The following CHD9 variants were observed in gnomAD, a reference collection of about 807,000 sequenced individuals.
The protein encoded by CHD9 is chromodomain helicase DNA binding protein 9.
CHD9 carries 77 observed loss-of-function variants against 316.1 expected under a neutral mutation model. That is an observed-to-expected ratio of 0.24 (90% CI 0.20 to 0.29). CHD9 has a LOEUF of 0.29. Ranked by LOEUF, CHD9 falls within the 10% of genes least tolerant of loss-of-function variation. The probability of loss-of-function intolerance (pLI) is 1.00; values close to 1 mark genes in which losing one functional copy is unlikely to be tolerated. For synonymous variants in CHD9, 1,129 were observed against 1,158.3 expected (o/e 0.97, Z 0.51); for missense variants, 2,763 against 3,438.1 (o/e 0.80, Z 4.91).
At chr16:53,171,867 C>CACACAG (rs2042772282) in intron 2 of CHD9, among the ~76,000 whole-genome samples, 1 of 47,938 alleles carries the variant, frequency 2.1e-5, no homozygotes, top group Admixed American at 1.4e-4. Flanking sequence ...CACAGACACA[C>CACACAG]ACACACACAC....
At chr16:53,116,617 C>T (rs1392942979) in intron 1 of CHD9, among the ~76,000 whole-genome samples, 1 of 152,168 alleles carries the variant, frequency 6.6e-6, no homozygotes, top group African/African-American at 2.4e-5. Context: ...CGTTTTTACA[C>T]TGTTGGTGGG....
chr16:53,097,286 T>G (rs2036453881), intron 1 of CHD9, among the ~76,000 whole-genome samples: 1 of 152,212 alleles, frequency 6.6e-6, no homozygotes, highest in African/African-American at 2.4e-5. Context: ...CTGTGAGAGA[T>G]ATCTAACTCA....
intron 1 of CHD9, among the ~76,000 whole-genome samples, chr16:53,110,384 C>G (rs1170254156): frequency 6.6e-6 from 1 of 152,074 alleles, no homozygotes; most frequent in Admixed American, 6.5e-5. Context: ...ATCAACTGAG[C>G]CCAGGAGTTC....
At position 53,304,442 on chromosome 16, in the gene CHD9, A is replaced by G; in HGVS notation, c.6436A>G (p.Arg2146Gly). ...TTCTGAGAGATCATCTTGTTCTTCCAGATCATCTTCTTCCTCATCATCCTC... is the reference window on the plus strand; with the variant it reads ...TTCTGAGAGATCATCTTGTTCTTCCGGATCATCTTCTTCCTCATCATCCTC... The part of the protein sequence containing the change: ...SDSERSSCSS[R>G]SSSSSSSSSC... The change falls in exon 31 of 39, where the codon AGA becomes GGA. Residue 2146 changes from arginine (R) to glycine (G), a missense_variant. Coordinates refer to ENST00000447540, the MANE Select transcript of CHD9 (RefSeq NM_001308319.2). 1 of 1,587,480 alleles carries G rather than the reference A, an allele frequency of 6.3e-7. No homozygotes were observed. Among genetic ancestry groups the G allele is most frequent in the African/African-American group, 1.3e-5 (1 of 74,418 alleles).
chr16:53,091,972 C>T (rs772064658), intron 1 of CHD9, among the ~76,000 whole-genome samples: 9 of 152,218 alleles, frequency 5.9e-5, no homozygotes, highest in Non-Finnish European at 1.2e-4. Context: ...CAGCCGAGAG[C>T]AGCGATTCCT....
At chr16:53,155,869 T>G in intron 1 of CHD9, 57 bp from the exon 2 acceptor site, 1 of 503,626 alleles carries the variant, frequency 2.0e-6, no homozygotes, top group Middle Eastern at 5.2e-4. Context: ...TTCATTTTTG[T>G]TGTAGCATGT....
In CHD9 at chr16:53,157,297, G is replaced by A. The variant is rs574670755; in HGVS notation, c.1208G>A (p.Gly403Glu). The change falls in exon 2 of 39, where the codon GGA (glycine) becomes GAA (glutamate). Residue 403 changes from glycine (G) to glutamate (E), a missense_variant. Physicochemically the swap from Gly to Glu is moderately conservative, Grantham distance 98. Transcript: ENST00000447540. ...QVESQTEPFT[G>E]LDPEDLLQEG... ...GAATCTCAAACTGAGCCATTCACAG[G>A]ACTTGACCCCGAGGACCTCCTTCAG... 6 of 1,611,668 alleles carry A rather than the reference G, an allele frequency of 3.7e-6. No homozygotes were observed. The South Asian group carries it at 4.4e-5, about 12-fold the overall frequency.
chr16:53,306,894 C>G (rs1263884261), intron 32 of CHD9, among the ~76,000 whole-genome samples: 2 of 152,116 alleles, frequency 1.3e-5, no homozygotes, highest in East Asian at 3.9e-4. Flanking sequence ...GTTCACCTGC[C>G]TCAGCCTCCC....
intron 2 of CHD9, among the ~76,000 whole-genome samples, chr16:53,204,609 A>G (rs2045747143): frequency 6.6e-6 from 1 of 152,000 alleles, no homozygotes; most frequent in African/African-American, 2.4e-5. Context: ...AATGTGTATC[A>G]TGACTTGCTA....
chr16:53,195,051 T>C (rs891653782), intron 2 of CHD9, among the ~76,000 whole-genome samples: 1 of 152,210 alleles, frequency 6.6e-6, no homozygotes, highest in African/African-American at 2.4e-5. Flanking sequence ...TTATAATCTT[T>C]TAATATAAAT....
chr16:53,182,866 A>T (rs1192294049), intron 2 of CHD9, among the ~76,000 whole-genome samples: 1 of 152,130 alleles, frequency 6.6e-6, no homozygotes, highest in Admixed American at 6.6e-5. Flanking sequence ...TATTTTGTGG[A>T]ATTTGAAATC....
At chr16:53,173,595 A>T (rs1267332587) in intron 2 of CHD9, among the ~76,000 whole-genome samples, 1 of 151,560 alleles carries the variant, frequency 6.6e-6, no homozygotes, top group Non-Finnish European at 1.5e-5. Flanking sequence ...CTCAGGCTGG[A>T]GTGCAGTGGC....
intron 1 of CHD9, among the ~76,000 whole-genome samples, chr16:53,125,218 A>ATTGT (rs2038918726): frequency 1.0e-5 from 1 of 95,760 alleles, no homozygotes; most frequent in African/African-American, 4.2e-5. Flanking sequence ...TCAAGTTAGG[A>ATTGT]TTTTTTTTTT....
intron 1 of CHD9, among the ~76,000 whole-genome samples, chr16:53,066,072 A>G (rs1162906542): frequency 2.0e-5 from 3 of 152,070 alleles, no homozygotes; most frequent in Admixed American, 1.3e-4. Context: ...TCAACAGGCA[A>G]TTTGCTGGGG....
intron 3 of CHD9, among the ~76,000 whole-genome samples, chr16:53,215,663 G>C (rs1187900753): frequency 6.6e-6 from 1 of 152,044 alleles, no homozygotes; most frequent in Non-Finnish European, 1.5e-5. Flanking sequence ...TGAATTGGAT[G>C]TATTAATTAC....
intron 1 of CHD9, among the ~76,000 whole-genome samples, chr16:53,087,337 C>G (rs1242919882): frequency 6.6e-6 from 1 of 152,150 alleles, no homozygotes; most frequent in African/African-American, 2.4e-5. Context: ...CTCTCAGCCT[C>G]TGACTGCAGG....
chr16:53,190,765 A>G (rs1732743456), intron 2 of CHD9, among the ~76,000 whole-genome samples: 3 of 152,088 alleles, frequency 2.0e-5, no homozygotes, highest in Admixed American at 2.0e-4. Context: ...TAAATTGAGT[A>G]TCTGCCACTA....
At chr16:53,187,047 G>A (rs558934084) in intron 2 of CHD9, among the ~76,000 whole-genome samples, 57 of 152,160 alleles carry the variant, frequency 3.7e-4, no homozygotes, top group Admixed American at 6.5e-4. Context: ...CAGATTAAAC[G>A]AGTTTTGAAA....
chr16:53,231,831 A>G, intron 10 of CHD9, 47 bp downstream of exon 10: 2 of 1,484,912 alleles, frequency 1.3e-6, no homozygotes, highest in South Asian at 2.6e-5. Flanking sequence ...GCACTTGTTT[A>G]TGTAAGTTAT....
Sources: allele counts gnomAD v4.1 joint callset (sites outside exome capture counted in the v4.1 genomes callset), GRCh38; gene constraint gnomAD v4.1.1; transcripts MANE v1.5; gene names NCBI Gene and HGNC (gene_info 2026-07-23, HGNC 2026-07-21).